Variants in CASR observed in about 807,000 individuals in gnomAD.
The protein encoded by CASR is calcium sensing receptor.
In CASR, 23 loss-of-function variants were observed where a neutral mutation model predicts 69.1. The observed-to-expected ratio is 0.33, with a 90% CI of 0.24 to 0.47. CASR has a LOEUF of 0.47. Among genes scored for constraint, CASR ranks in the 20% least tolerant of loss-of-function variants. The pLI is 1.00. For synonymous variants in CASR, 541 were observed against 544.7 expected (o/e 0.99, Z 0.10); for missense variants, 924 against 1,356.1 (o/e 0.68, Z 5.00).
chr3:122,234,767 A>C lies in CASR; in HGVS notation c.-242-19181A>C, dbSNP rs890239065. Among the ~76,000 whole-genome samples the C allele has an allele frequency of 1.3e-5, 2 of 152,214 alleles. 1 individual carries two copies. Among genetic ancestry groups the C allele is most frequent in the Admixed American group, 1.3e-4 (2 of 15,282 alleles). ...ACTTCAAAGTCAGGTTTATAGAAACATGTGTGGGCTTCTTTGGGGAAAGTT... is the reference window on the plus strand; with the variant it reads ...ACTTCAAAGTCAGGTTTATAGAAACCTGTGTGGGCTTCTTTGGGGAAAGTT... On this transcript the variant is annotated intron_variant, in intron 1 of 6. Transcript: ENST00000639785.
At chr3:122,209,354 G>A (rs1193849259) in intron 1 of CASR, among the ~76,000 whole-genome samples, 1 of 152,194 alleles carries the variant, frequency 6.6e-6, no homozygotes, top group Non-Finnish European at 1.5e-5. Context: ...TTGAAAAGGA[G>A]GGATGTGTTA....
chr3:122,255,029 G>T (rs1301970609), intron 2 of CASR, among the ~76,000 whole-genome samples: 1 of 147,802 alleles, frequency 6.8e-6, no homozygotes. Flanking sequence ...GCCACTTGAA[G>T]AGAGCTAATA....
At position 122,288,524 on chromosome 3, in the gene CASR, C is replaced by G. The variant is rs969265510; in HGVS notation, c.*3333C>G. ...CCAGAGCCTGTCTCAGAGATCTATT[C>G]CTGTTCTCACTGTGGTCCTCTTCCC... On this transcript the variant is annotated 3_prime_UTR_variant, in exon 7 of 7. Coordinates refer to ENST00000639785, the MANE Select transcript of CASR (RefSeq NM_000388.4). The G allele has an allele frequency of 2.6e-5, 4 of 152,164 alleles. No individual in the cohort carries two copies. The highest frequency in any genetic ancestry group is 7.2e-5 in the African/African-American group (3 of 41,440). 9.4% of individuals were successfully genotyped at this position (152,164 alleles called of 1,614,324 possible). A position where few individuals can be genotyped will look rare whatever the true frequency, so the allele number is the denominator to read the frequency against.
At chr3:122,201,610 G>A (rs2073951777) in intron 1 of CASR, among the ~76,000 whole-genome samples, 1 of 149,212 alleles carries the variant, frequency 6.7e-6, no homozygotes, top group Non-Finnish European at 1.5e-5. Flanking sequence ...CCCAGACAGG[G>A]CGGCTGGCCG....
At chr3:122,238,432 C>T (rs1318104701) in intron 1 of CASR, among the ~76,000 whole-genome samples, 1 of 152,208 alleles carries the variant, frequency 6.6e-6, no homozygotes, top group African/African-American at 2.4e-5. Context: ...GCAAGCCTCA[C>T]CACCACGTGT....
At chr3:122,197,217 C>G (rs1158701416) in intron 1 of CASR, among the ~76,000 whole-genome samples, 2 of 152,106 alleles carry the variant, frequency 1.3e-5, no homozygotes, top group Non-Finnish European at 2.9e-5. Context: ...AATCATTTGG[C>G]CTGGAAATAT....
At position 122,290,128 on chromosome 3, in the gene CASR, G is replaced by A. The variant is rs991895052; in HGVS notation, c.*4937G>A. 3.9e-5 allele frequency: 6 copies of A among 152,138 alleles called. No individual in the cohort carries two copies. Among genetic ancestry groups the A allele is most frequent in the African/African-American group, 1.2e-4 (5 of 41,390 alleles). The allele number at this position is 152,138 out of a possible 1,614,324, so 9.4% of individuals were successfully genotyped here. On this transcript the variant is annotated 3_prime_UTR_variant, in exon 7 of 7. Coordinates refer to ENST00000639785, the MANE Select transcript of CASR (RefSeq NM_000388.4). ...AAAAACAATTTTATTGGTAGAGGCG[G>A]GGGGAATAATAGAGATACAGCACCA...
chr3:122,247,634 T>A (rs2074440552), intron 1 of CASR: 1 of 151,968 alleles, frequency 6.6e-6, no homozygotes, highest in South Asian at 2.1e-4. Context: ...GGACACAGAG[T>A]TTGTTATGTT....
rs2107625117 is a variant in CASR at position 122,254,386 on chromosome 3, G to T, written c.185+12G>T. 2 of 1,612,424 alleles carry T rather than the reference G, an allele frequency of 1.2e-6. No homozygotes were observed. The highest frequency in any genetic ancestry group is 1.1e-5 in the South Asian group (1 of 91,048). ...GTGGAATGTATCAGGTAAGAAGAGG[G>T]GCCTAATCTGCCAATCTCTTCTCTT... is the stretch of plus-strand genomic sequence containing the variant. On this transcript the variant is annotated intron_variant, in intron 2 of 6. Transcript: ENST00000639785.
intron 4 of CASR, among the ~76,000 whole-genome samples, chr3:122,262,732 A>C (rs2074643003): frequency 6.6e-6 from 1 of 152,244 alleles, no homozygotes; most frequent in Admixed American, 6.5e-5. Context: ...TCTAATGTCT[A>C]AATTATCAAT....
chr3:122,205,806 T>C (rs1378667301), intron 1 of CASR, among the ~76,000 whole-genome samples: 2 of 152,040 alleles, frequency 1.3e-5, no homozygotes, highest in Non-Finnish European at 2.9e-5. Context: ...AATTTATTCC[T>C]AGATATTTTA....
At chr3:122,274,158 G>GTTCTACC (rs2074789642) in intron 4 of CASR, among the ~76,000 whole-genome samples, 1 of 152,226 alleles carries the variant, frequency 6.6e-6, no homozygotes, top group South Asian at 2.1e-4. Context: ...GTAGCAGGGA[G>GTTCTACC]TGAGGGATCC....
intron 1 of CASR, among the ~76,000 whole-genome samples, chr3:122,238,859 G>A (rs2074354201): frequency 6.6e-6 from 1 of 152,098 alleles, no homozygotes; most frequent in African/African-American, 2.4e-5. Flanking sequence ...AAAGGAATGA[G>A]CTAGTCCTGA....
intron 1 of CASR, among the ~76,000 whole-genome samples, chr3:122,198,001 C>T (rs771240181): frequency 2.0e-5 from 3 of 152,212 alleles, no homozygotes; most frequent in Admixed American, 1.3e-4. Flanking sequence ...TGTCTCACCA[C>T]TCTGACTTCT....
chr3:122,238,900 C>T (rs559102070), intron 1 of CASR, among the ~76,000 whole-genome samples: 4 of 152,308 alleles, frequency 2.6e-5, no homozygotes, highest in African/African-American at 7.2e-5. Flanking sequence ...CTAAAGAGCT[C>T]TTGGGCCCTG....
At chr3:122,250,037 G>A (rs974659340) in intron 1 of CASR, among the ~76,000 whole-genome samples, 8 of 152,194 alleles carry the variant, frequency 5.3e-5, no homozygotes, top group African/African-American at 1.9e-4. Flanking sequence ...GAAGCGGGGA[G>A]AAGGGATAAG....
chr3:122,284,952 G>A lies in CASR; in HGVS notation c.2998G>A (p.Ala1000Thr). The A allele has an allele frequency of 6.2e-7, 1 of 1,614,170 alleles. No individual in the cohort carries two copies. Among genetic ancestry groups the A allele is most frequent in the Non-Finnish European group, 8.5e-7 (1 of 1,180,028 alleles). Residue 1000 changes from alanine (A) to threonine (T), a missense_variant, in exon 7 of 7, where the codon GCC becomes ACC. By Grantham distance (58) the Ala-to-Thr change is moderately conservative (BLOSUM62 0). This residue lies in a region of CASR where 201 missense variants were observed against 228.8 expected (regional missense o/e 0.88). Coordinates refer to ENST00000639785, the MANE Select transcript of CASR (RefSeq NM_000388.4). ...TTCTACGCACCAGAACTCCCTGGAG[G>A]CCCAGAAAAGCAGCGATACGCTGAC... ...RNSTHQNSLEAQKSSDTLTRH... is the reference protein window; with the variant it reads ...RNSTHQNSLETQKSSDTLTRH...
chr3:122,248,230 T>C (rs2074446855), intron 1 of CASR, among the ~76,000 whole-genome samples: 2 of 152,200 alleles, frequency 1.3e-5, no homozygotes, highest in African/African-American at 4.8e-5. Flanking sequence ...ATGGCCGTAT[T>C]GGTGATGGCA....
chr3:122,201,828 G>A lies in CASR; in HGVS notation c.-243+18016G>A, dbSNP rs544298224. Among the ~76,000 whole-genome samples the A allele has an allele frequency of 2.5e-3, 386 of 151,818 alleles. 3 individuals are homozygous for A. Among genetic ancestry groups the A allele is most frequent in the African/African-American group, 6.5e-3 (268 of 41,410 alleles). On this transcript the variant is annotated intron_variant, in intron 1 of 6. Transcript: ENST00000639785. ...CCCACATCTCAGACGATGGGCGGCC[G>A]GGCAGAGACGCTCCTCACTTCCTAG...
Sources: gnomAD v4.1 joint callset for allele counts (sites outside exome capture counted in the v4.1 genomes callset) on GRCh38, gnomAD v4.1.1 for gene constraint, gnomAD v4.1.1 regional missense constraint, MANE v1.5 for transcripts, NCBI Gene and HGNC (gene_info 2026-07-23, HGNC 2026-07-21) for gene names.